Variants in COL25A1 observed in about 807,000 individuals in gnomAD.
COL25A1 encodes collagen type XXV alpha 1 chain.
A neutral mutation model predicts 128.4 loss-of-function variants in COL25A1; 103 were observed. That is an observed-to-expected ratio of 0.80 (90% CI 0.68 to 0.94). The LOEUF (loss-of-function observed/expected upper bound fraction) is 0.94. Among genes scored for constraint, COL25A1 ranks in the 40% least tolerant of loss-of-function variants. The pLI, the probability that COL25A1 is intolerant of heterozygous loss-of-function variation, is 0.00. For synonymous variants in COL25A1, 279 were observed against 277.2 expected, an observed-to-expected ratio of 1.01 and a Z score of -0.06; for missense variants, 745 against 840.0, an observed-to-expected ratio of 0.89 and a Z score of 1.40.
At chr4:109,195,692 A>G (rs998956115) in intron 3 of COL25A1, among the ~76,000 whole-genome samples, 1 of 152,192 alleles carries the variant, frequency 6.6e-6, no homozygotes, top group Non-Finnish European at 1.5e-5. Flanking sequence ...GTCATATTGA[A>G]CAGATCATGA....
intron 3 of COL25A1, among the ~76,000 whole-genome samples, chr4:109,254,004 G>A (rs576213632): frequency 3.3e-5 from 5 of 151,288 alleles, no homozygotes; most frequent in South Asian, 2.1e-4. Flanking sequence ...GGAGAATGGC[G>A]CGAACCCAGG....
intron 19 of COL25A1, among the ~76,000 whole-genome samples, chr4:108,874,610 G>C (rs1739207056): frequency 6.6e-6 from 1 of 152,142 alleles, no homozygotes; most frequent in Admixed American, 6.5e-5. Context: ...CATTATCAGG[G>C]AAATGTGGTT....
intron 3 of COL25A1, among the ~76,000 whole-genome samples, chr4:109,059,397 A>T (rs538551208): frequency 1.3e-5 from 2 of 152,368 alleles, no homozygotes; most frequent in African/African-American, 4.8e-5. Flanking sequence ...ACTATAGGTC[A>T]GTGTATTTTC....
chr4:108,861,196 T>A (rs999118637), intron 22 of COL25A1, among the ~76,000 whole-genome samples: 3 of 152,200 alleles, frequency 2.0e-5, no homozygotes, highest in Non-Finnish European at 1.5e-5. Context: ...TAGAGTATCT[T>A]GAAACAACAA....
chr4:108,983,879 T>TTTA (rs1200708852), intron 6 of COL25A1, among the ~76,000 whole-genome samples: 1 of 152,094 alleles, frequency 6.6e-6, no homozygotes. Flanking sequence ...AGCAGCAGGA[T>TTTA]TTATTGCAAA....
In COL25A1 at chr4:109,237,809, T is replaced by C. The variant is rs140221615; in HGVS notation, c.367+62774A>G. Among the ~76,000 whole-genome samples, 247 of 152,128 alleles carry C rather than the reference T, an allele frequency of 1.6e-3. 3 individuals carry two copies. The highest frequency in any genetic ancestry group is 5.6e-3 in the African/African-American group (231 of 41,542). On this transcript the variant is annotated intron_variant, in intron 3 of 37. Coordinates refer to ENST00000399132, the MANE Select transcript of COL25A1 (RefSeq NM_198721.4). ...CTGCAAAACTGAAACTCTGTGCCCA[T>C]TAAACAATAACTGCCTGTTCTAGGC...
chr4:109,137,042 C>T (rs1445152180), intron 3 of COL25A1, among the ~76,000 whole-genome samples: 2 of 152,188 alleles, frequency 1.3e-5, no homozygotes, highest in African/African-American at 2.4e-5. Context: ...GGAGTCAGAA[C>T]ACCCATTCCT....
At chr4:108,994,686 C>G (rs2092849603) in intron 6 of COL25A1, among the ~76,000 whole-genome samples, 1 of 152,218 alleles carries the variant, frequency 6.6e-6, no homozygotes, top group South Asian at 2.1e-4. Context: ...CCCCCGTGTA[C>G]CTGACTGGGA....
chr4:108,957,172 A>G (rs774781251), intron 8 of COL25A1, among the ~76,000 whole-genome samples: 78 of 152,074 alleles, frequency 5.1e-4, no homozygotes, highest in Non-Finnish European at 9.3e-4. Flanking sequence ...CTTTCTATAC[A>G]TTATCCTTTA....
At chr4:109,179,956 G>C (rs1199166107) in intron 3 of COL25A1, among the ~76,000 whole-genome samples, 1 of 152,180 alleles carries the variant, frequency 6.6e-6, no homozygotes, top group Non-Finnish European at 1.5e-5. Context: ...TAGGGCTTTT[G>C]TCAAATAGAT....
intron 8 of COL25A1, among the ~76,000 whole-genome samples, chr4:108,950,768 C>T (rs989628159): frequency 6.6e-6 from 1 of 152,236 alleles, no homozygotes; most frequent in East Asian, 1.9e-4. Flanking sequence ...CTTCGTGTGA[C>T]AAATGTCTCT....
chr4:109,221,578 G>T (rs192886897), intron 3 of COL25A1, among the ~76,000 whole-genome samples: 2 of 152,112 alleles, frequency 1.3e-5, no homozygotes. Flanking sequence ...CAAGAAAATG[G>T]GATTAAAAGG....
intron 3 of COL25A1, among the ~76,000 whole-genome samples, chr4:109,065,519 T>C (rs1334702523): frequency 6.7e-6 from 1 of 149,910 alleles, no homozygotes; most frequent in Admixed American, 6.6e-5. Context: ...TGCAAATACC[T>C]TTTTGGTGCA....
At chr4:109,244,145 A>AG (rs1166361219) in intron 3 of COL25A1, among the ~76,000 whole-genome samples, 1 of 116,412 alleles carries the variant, frequency 8.6e-6, no homozygotes, top group African/African-American at 4.9e-5. Flanking sequence ...AAAGAAAGAA[A>AG]AAAAAAAAAG....
intron 11 of COL25A1, chr4:108,920,997 T>C: frequency 6.2e-6 from 1 of 161,180 alleles, no homozygotes; most frequent in African/African-American, 2.4e-5. Context: ...TTAGATGACT[T>C]CTGCACCTGC....
intron 16 of COL25A1, among the ~76,000 whole-genome samples, chr4:108,890,975 T>A (rs893386953): frequency 2.6e-5 from 4 of 152,224 alleles, no homozygotes; most frequent in Admixed American, 2.0e-4. Context: ...GCTCTGTTCA[T>A]GTCCACCGCA....
intron 8 of COL25A1, among the ~76,000 whole-genome samples, chr4:108,964,532 G>A (rs1463625143): frequency 6.6e-6 from 1 of 151,944 alleles, no homozygotes; most frequent in Non-Finnish European, 1.5e-5. Context: ...ACATAATATA[G>A]GTAGAGCCAT....
At chr4:108,897,697 A>T (rs1578695772) in intron 15 of COL25A1, among the ~76,000 whole-genome samples, 2 of 152,226 alleles carry the variant, frequency 1.3e-5, no homozygotes, top group South Asian at 4.1e-4. Context: ...CATAGGCTGG[A>T]ATGCAGTCAC....
intron 5 of COL25A1, among the ~76,000 whole-genome samples, chr4:109,022,485 C>G (rs182689551): frequency 6.6e-6 from 1 of 152,170 alleles, no homozygotes; most frequent in Non-Finnish European, 1.5e-5. Flanking sequence ...AGATGCATAC[C>G]GCTTAGCCTA....
Sources: gnomAD v4.1 joint callset for allele counts (sites outside exome capture counted in the v4.1 genomes callset) on GRCh38, gnomAD v4.1.1 for gene constraint, MANE v1.5 for transcripts, NCBI Gene and HGNC (gene_info 2026-07-23, HGNC 2026-07-21) for gene names.